Variants in FBXO2 observed in about 807,000 individuals in gnomAD.
FBXO2 encodes the protein F-box only protein 2.
Under a neutral mutation model 38.6 loss-of-function variants are expected in FBXO2, and 32 were observed. The ratio of observed to expected loss-of-function variants is 0.83; its 90% CI spans 0.62 to 1.11. FBXO2 has a LOEUF of 1.11. Ranked by LOEUF, FBXO2 falls within the 50% of genes most tolerant of loss-of-function variation. The probability of loss-of-function intolerance (pLI) is 0.00; values close to 1 mark genes in which losing one functional copy is unlikely to be tolerated. For missense variants in FBXO2, 450 were observed against 418.3 expected (o/e 1.08, Z -0.66); for synonymous variants, 189 against 182.9 (o/e 1.03, Z -0.27).
chr1:11,652,420 G>A (rs866759232), intron 1 of FBXO2, among the ~76,000 whole-genome samples: 27 of 152,272 alleles, frequency 1.8e-4, no homozygotes, highest in Middle Eastern at 6.8e-3. Context: ...TATAAAATGG[G>A]GGTAATCATT....
chr1:11,654,209 C>T (rs1417147723), intron 1 of FBXO2, 110 bp downstream of exon 1: 1 of 1,231,002 alleles, frequency 8.1e-7, no homozygotes. Context: ...TGAAAGTTTG[C>T]CGCGCCAGGT....
chr1:11,649,700 G>T, intron 4 of FBXO2, 79 bp downstream of exon 4: 1 of 1,463,902 alleles, frequency 6.8e-7, no homozygotes. Flanking sequence ...GCACCCCCAG[G>T]CGGGGGGTTC....
In FBXO2 at chr1:11,649,193, T is replaced by A. The variant is rs1639472129; in HGVS notation, c.650A>T (p.Tyr217Phe). 1.3e-6 allele frequency: 2 copies of A among 1,553,556 alleles called. No individual in the cohort carries two copies. Residue 217 changes from tyrosine to phenylalanine, a missense_variant, in exon 5 of 6, where the codon TAC becomes TTC. By Grantham distance (22) the Tyr-to-Phe change is conservative (BLOSUM62 3). Coordinates refer to ENST00000354287, the MANE Select transcript of FBXO2 (RefSeq NM_012168.6). ...GGACAGTAGCTTAACGGTGAGCTCG[T>A]AGAGGCAACCAGCGTCGCTGCGGCC... ...YSGRSDAGCL[Y>F]ELTVKLLSEH...
rs1271033603 is a variant in FBXO2, at chr1:11,650,490, G to A, written c.367C>T (p.Leu123Phe). The change falls in exon 2 of 6, where the codon CTT (leucine) becomes TTT (phenylalanine). Residue 123 changes from leucine (L) to phenylalanine (F), a missense_variant. Transcript: ENST00000354287. The stretch of plus-strand genomic sequence containing the variant: ...CCTTCCCCACACGGGTTACGCAGAA[G>A]GTTGCGGCGCCGCTTGCTCAGGAAG... ...FYFLSKRRRN[L>F]LRNPCGEEDL... 1.9e-6 allele frequency: 3 copies of A among 1,609,148 alleles called. No individual in the cohort carries two copies. Among genetic ancestry groups the A allele is most frequent in the Non-Finnish European group, 2.5e-6 (3 of 1,178,584 alleles).
At position 11,654,311 on chromosome 1, in the gene FBXO2, T is replaced by G. The variant is rs2272983; in HGVS notation, c.22+8A>C. ...CCCGCCGCAGCGAGCGGTCCAGGCG[T>G]CGGCTACCTGGGTCACCGTCTCCGT... On this transcript the variant is annotated splice_region_variant and intron_variant, in intron 1 of 5. Transcript: ENST00000354287. The G allele has an allele frequency of 0.79, 1,171,752 of 1,480,162 alleles. 464,722 individuals carry two copies. Among genetic ancestry groups the G allele is most frequent in the Admixed American group, 0.87 (36,498 of 41,960 alleles). 91.7% of individuals were successfully genotyped at this position (1,480,162 alleles called of 1,614,324 possible). A position where few individuals can be genotyped will look rare whatever the true frequency, so the allele number is the denominator to read the frequency against.
At chr1:11,652,157 C>A (rs1639531779) in intron 1 of FBXO2, among the ~76,000 whole-genome samples, 1 of 152,172 alleles carries the variant, frequency 6.6e-6, no homozygotes, top group Non-Finnish European at 1.5e-5. Flanking sequence ...GGTGCAAATG[C>A]TCAGGCTCAG....
At position 11,651,323 on chromosome 1, in the gene FBXO2, G is replaced by A. The variant is rs114699125; in HGVS notation, c.23-489C>T. On this transcript the variant is annotated intron_variant, in intron 1 of 5. Transcript: ENST00000354287. ...ATAAACGCCTGTCTCTGGACCATAC[G>A]GAGCCTTATAAGGGCCAGAACATGG... Among the ~76,000 whole-genome samples the A allele has an allele frequency of 7.1e-3, 1,076 of 152,148 alleles. 5 individuals carry two copies. The highest frequency in any genetic ancestry group is 0.012 in the Non-Finnish European group (842 of 68,004).
Position 11,654,022 on chromosome 1 carries a change from C to A in FBXO2, c.22+297G>T. Reference sequence around the variant, plus strand: ...TCCCAGACGCATCCCAGGCCCCCGCCAGACAGACCCTCAGGAAGCTGGGAG... The same window carrying A: ...TCCCAGACGCATCCCAGGCCCCCGCAAGACAGACCCTCAGGAAGCTGGGAG... On this transcript the variant is annotated intron_variant, in intron 1 of 5. Transcript: ENST00000354287. 4 of 404,824 alleles carry A rather than the reference C, an allele frequency of 9.9e-6. No homozygotes were observed. The Middle Eastern group carries it at 2.6e-3, about 260-fold the overall frequency. 25.1% of individuals were successfully genotyped at this position (404,824 alleles called of 1,614,324 possible). A position where few individuals can be genotyped will look rare whatever the true frequency, so the allele number is the denominator to read the frequency against.
rs914853146 is a variant in FBXO2, at chr1:11,650,520, A to G, written c.337T>C (p.Phe113Leu). ...VEEERDHWQQ[F>L]YFLSKRRRNL... ...CGGCGCCGCTTGCTCAGGAAGTAGA[A>G]CTGCTGCCAGTGGTCGCGCTCCTCC... The change falls in exon 2 of 6, where the codon TTC (phenylalanine) becomes CTC (leucine). Residue 113 changes from phenylalanine to leucine, a missense_variant. Coordinates refer to ENST00000354287, the MANE Select transcript of FBXO2 (RefSeq NM_012168.6). The G allele has an allele frequency of 1.9e-6, 3 of 1,606,078 alleles. No homozygotes were observed. Among genetic ancestry groups the G allele is most frequent in the Non-Finnish European group, 1.7e-6 (2 of 1,177,420 alleles).
chr1:11,654,245 C>G, intron 1 of FBXO2, 74 bp downstream of exon 1: 1 of 1,449,232 alleles, frequency 6.9e-7, no homozygotes, highest in Non-Finnish European at 9.1e-7. Context: ...CTCTCTGACG[C>G]CCCTCTGTGC....
In FBXO2 at chr1:11,648,532, A is replaced by G. The variant is rs1639454259; in HGVS notation, c.*162T>C. On this transcript the variant is annotated 3_prime_UTR_variant, in exon 6 of 6. Coordinates refer to ENST00000354287, the MANE Select transcript of FBXO2 (RefSeq NM_012168.6). The surrounding 1 kb of genome is among the most constrained non-coding windows in gnomAD (Gnocchi z 4.2). ...CGGCTACCTAAGCAAACCTATGCCA[A>G]CAAAACTTCTCTCTCCCTGCTCAGG... 9.5e-7 allele frequency: 1 copy of G among 1,050,558 alleles called. No homozygotes were observed. The highest frequency in any genetic ancestry group is 1.6e-5 in the African/African-American group (1 of 62,970). The allele number at this position is 1,050,558 out of a possible 1,614,324, so 65.1% of individuals were successfully genotyped here. A position where few individuals can be genotyped will look rare whatever the true frequency, so the allele number is the denominator to read the frequency against.
chr1:11,649,069 T>G lies in FBXO2; in HGVS notation c.756+18A>C, dbSNP rs778948191. 1.6e-4 allele frequency: 249 copies of G among 1,525,676 alleles called. No homozygotes were observed. The highest frequency in any genetic ancestry group is 2.1e-4 in the Non-Finnish European group (234 of 1,125,762). 94.5% of individuals were successfully genotyped at this position (1,525,676 alleles called of 1,614,324 possible). The stretch of plus-strand genomic sequence containing the variant: ...ATGTCCGTGCCCCACCCCTCCGCCC[T>G]GGGTCCCCCAGGCTCACCTCCATCC... On this transcript the variant is annotated intron_variant, in intron 5 of 5. Coordinates refer to ENST00000354287, the MANE Select transcript of FBXO2 (RefSeq NM_012168.6).
In FBXO2 at chr1:11,654,210, C is replaced by T. The variant is rs978809005; in HGVS notation, c.22+109G>A. ...GGGCTTCGCTGGCGTGAAAGTTTGC[C>T]GCGCCAGGTCTCCGGGTCCCCTCGC... On this transcript the variant is annotated intron_variant, in intron 1 of 5. Transcript: ENST00000354287. 5 of 1,243,662 alleles carry T rather than the reference C, an allele frequency of 4.0e-6. No homozygotes were observed. The African/African-American group carries it at 4.8e-5, about 12-fold the overall frequency. 77.0% of individuals were successfully genotyped at this position (1,243,662 alleles called of 1,614,324 possible).
In FBXO2 at chr1:11,648,972, T is replaced by TCAGCCCAGCCCAGCCCAGCC. The variant is rs577091768; in HGVS notation, c.756+95_756+114dup. On this transcript the variant is annotated intron_variant, in intron 5 of 5. Transcript: ENST00000354287. The surrounding 1 kb of genome is among the most constrained non-coding windows in gnomAD (Gnocchi z 4.2). ...CTCTCTCCACCACCCGGTGACTATC[T>TCAGCCCAGCCCAGCCCAGCC]CAGCCCAGCCCAGCCCAGCCCACCC... is the stretch of plus-strand genomic sequence containing the variant. The TCAGCCCAGCCCAGCCCAGCC allele has an allele frequency of 2.8e-6, 2 of 713,232 alleles. No individual in the cohort carries two copies. Among genetic ancestry groups the TCAGCCCAGCCCAGCCCAGCC allele is most frequent in the Non-Finnish European group, 4.2e-6 (2 of 475,526 alleles). 44.2% of individuals were successfully genotyped at this position (713,232 alleles called of 1,614,324 possible). A position where few individuals can be genotyped will look rare whatever the true frequency, so the allele number is the denominator to read the frequency against.
At chr1:11,653,845 CG>C (rs1003998979) in intron 1 of FBXO2, among the ~76,000 whole-genome samples, 1 of 152,172 alleles carries the variant, frequency 6.6e-6, no homozygotes. Flanking sequence ...CTCACCACCC[CG>C]GGGAGGGGCA....
In FBXO2 at chr1:11,654,328, C is replaced by T. The variant is rs1245883040; in HGVS notation, c.13G>A (p.Gly5Ser). Residue 5 changes from glycine to serine, a missense_variant, in exon 1 of 6, where the codon GGT becomes AGT. Coordinates refer to ENST00000354287, the MANE Select transcript of FBXO2 (RefSeq NM_012168.6). Reference sequence around the variant, plus strand: ...TCCAGGCGTCGGCTACCTGGGTCACCGTCTCCGTCCATCGCTGCGGAGGGC... The same window carrying T: ...TCCAGGCGTCGGCTACCTGGGTCACTGTCTCCGTCCATCGCTGCGGAGGGC... MDGD[G>S]DPESVGQPEE... is the part of the protein sequence containing the mutation. 2 of 1,466,708 alleles carry T rather than the reference C, an allele frequency of 1.4e-6. No homozygotes were observed. Among genetic ancestry groups the T allele is most frequent in the Non-Finnish European group, 1.8e-6 (2 of 1,116,604 alleles). 90.9% of individuals were successfully genotyped at this position (1,466,708 alleles called of 1,614,324 possible). A position where few individuals can be genotyped will look rare whatever the true frequency, so the allele number is the denominator to read the frequency against.
In FBXO2 at chr1:11,648,619, T is replaced by A; in HGVS notation, c.*75A>T. On this transcript the variant is annotated 3_prime_UTR_variant, in exon 6 of 6. Transcript: ENST00000354287. The surrounding 1 kb of genome is among the most constrained non-coding windows in gnomAD (Gnocchi z 4.2). ...TGGCTTGGGGAAGGTGAGGACGCTA[T>A]GGACTAAGTTAAGGCCTATCTACCC... is the stretch of plus-strand genomic sequence containing the variant. 1.3e-6 allele frequency: 2 copies of A among 1,566,152 alleles called. No homozygotes were observed. The highest frequency in any genetic ancestry group is 1.7e-6 in the Non-Finnish European group (2 of 1,146,850).
intron 1 of FBXO2, among the ~76,000 whole-genome samples, chr1:11,653,747 G>A (rs1399990177): frequency 6.6e-6 from 1 of 152,170 alleles, no homozygotes; most frequent in Non-Finnish European, 1.5e-5. Context: ...TGCCAGAGAG[G>A]ATGACTGGGC....
chr1:11,648,832 GGGGTGGAGGTAACAAGAGTCAGCCTC>G lies in FBXO2; in HGVS notation c.757-30_757-5del. ...AGTCGGTGAAGGTGTGGGAGATCTGGGGGTGGAGGTAACAAGAGTCAGCCTCGGAGGTCCTGAGGCCTCTCCTGCCG... is the reference window on the plus strand; with the variant it reads ...AGTCGGTGAAGGTGTGGGAGATCTGGGGAGGTCCTGAGGCCTCTCCTGCCG... On this transcript the variant is annotated splice_polypyrimidine_tract_variant and splice_region_variant and intron_variant, in intron 5 of 5. Transcript: ENST00000354287. The surrounding 1 kb of genome is among the most constrained non-coding windows in gnomAD (Gnocchi z 4.2). 5 of 1,613,520 alleles carry G rather than the reference GGGGTGGAGGTAACAAGAGTCAGCCTC, an allele frequency of 3.1e-6. No homozygotes were observed. The highest frequency in any genetic ancestry group is 4.2e-6 in the Non-Finnish European group (5 of 1,179,968).
Sources: gnomAD v4.1 joint callset for allele counts (sites outside exome capture counted in the v4.1 genomes callset) on GRCh38, gnomAD v4.1.1 for gene constraint, Gnocchi (gnomAD v3.1) non-coding constraint, MANE v1.5 for transcripts, NCBI Gene and HGNC (gene_info 2026-07-23, HGNC 2026-07-21) for gene names.